RNF13: variants seen among roughly 807,000 people sequenced by gnomAD.
RNF13 encodes the protein E3 ubiquitin-protein ligase RNF13.
Under a neutral mutation model 37.7 loss-of-function variants are expected in RNF13, and 19 were observed. The observed-to-expected ratio is 0.50, with a 90% CI of 0.35 to 0.74. The LOEUF (loss-of-function observed/expected upper bound fraction) is 0.74. RNF13 is among the 30% of genes least tolerant of loss of function. The probability of loss-of-function intolerance (pLI) is 0.01; values close to 1 mark genes in which losing one functional copy is unlikely to be tolerated. For synonymous variants in RNF13, 144 were observed against 157.8 expected (o/e 0.91, Z 0.65); for missense variants, 375 against 453.0 (o/e 0.83, Z 1.56).
intron 4 of RNF13, among the ~76,000 whole-genome samples, chr3:149,893,015 C>T (rs1714873841): frequency 6.6e-6 from 1 of 151,916 alleles, no homozygotes; most frequent in Admixed American, 6.5e-5. Context: ...ATTCAGAAGA[C>T]AAAGCCAGTT....
At chr3:149,949,241 C>T (rs1721072828) in intron 8 of RNF13, among the ~76,000 whole-genome samples, 3 of 152,032 alleles carry the variant, frequency 2.0e-5, no homozygotes, top group South Asian at 4.2e-4. Context: ...TGATAAACTC[C>T]CTCAATTTTT....
At chr3:149,921,648 T>C (rs917428623) in intron 8 of RNF13, among the ~76,000 whole-genome samples, 1 of 152,244 alleles carries the variant, frequency 6.6e-6, no homozygotes, top group South Asian at 2.1e-4. Flanking sequence ...TTTTTCTGGC[T>C]GCATAGTATT....
rs1721708470 is a variant in RNF13 at position 149,837,182 on chromosome 3, A to G, written c.-16-8829A>G. 2.0e-5 allele frequency among the ~76,000 whole-genome samples: 3 copies of G among 152,230 alleles called. 1 individual carries two copies. Among genetic ancestry groups the G allele is most frequent in the Admixed American group, 2.0e-4 (3 of 15,286 alleles). On this transcript the variant is annotated intron_variant, in intron 1 of 9. Transcript: ENST00000392894. ...AAGAAAAGAGGCTGAAGGCCTTCTG[A>G]AAAGATCACTGAAGAGTTAAAATAA...
In RNF13 at chr3:149,872,162, T is replaced by A. The variant is rs764855830; in HGVS notation, c.321+8T>A. On this transcript the variant is annotated splice_region_variant and intron_variant, in intron 4 of 9. Transcript: ENST00000392894. ...TGTAATTTTGATATAAAGGTATGAT[T>A]ATCTTTTTTCATTTTTTGTTTCCTA... is the stretch of plus-strand genomic sequence containing the variant. 2.6e-5 allele frequency: 39 copies of A among 1,523,010 alleles called. No individual in the cohort carries two copies. In the East Asian group the frequency reaches 8.9e-4, roughly 35 times the overall value. The allele number at this position is 1,523,010 out of a possible 1,614,324, so 94.3% of individuals were successfully genotyped here.
chr3:149,890,006 G>T (rs1467633882), intron 4 of RNF13, among the ~76,000 whole-genome samples: 1 of 152,060 alleles, frequency 6.6e-6, no homozygotes, highest in African/African-American at 2.4e-5. Flanking sequence ...CTAACCTGTT[G>T]TGTTCTACCT....
At position 149,877,665 on chromosome 3, in the gene RNF13, A is replaced by G. The variant is rs149608463; in HGVS notation, c.321+5511A>G. Reference sequence around the variant, plus strand: ...CAAGTAGATACGACCTTAAGTAGAAATTAAACTCTGCAAATTACCTGAAAG... The same window carrying G: ...CAAGTAGATACGACCTTAAGTAGAAGTTAAACTCTGCAAATTACCTGAAAG... On this transcript the variant is annotated intron_variant, in intron 4 of 9. Coordinates refer to ENST00000392894, the MANE Select transcript of RNF13 (RefSeq NM_183381.3). 6.9e-4 allele frequency among the ~76,000 whole-genome samples: 105 copies of G among 152,130 alleles called. 1 individual carries two copies. The East Asian group carries it at 0.018, about 25-fold the overall frequency.
At chr3:149,858,119 C>G (rs1723842169) in intron 3 of RNF13, among the ~76,000 whole-genome samples, 1 of 152,194 alleles carries the variant, frequency 6.6e-6, no homozygotes, top group Non-Finnish European at 1.5e-5. Context: ...TGGCCTTCTC[C>G]ATCATGTTTT....
At chr3:149,883,497 G>A (rs1158796241) in intron 4 of RNF13, among the ~76,000 whole-genome samples, 4 of 151,756 alleles carry the variant, frequency 2.6e-5, no homozygotes, top group Non-Finnish European at 5.9e-5. Context: ...ATCCTTGAAC[G>A]TAATTTATAA....
At chr3:149,874,652 T>C (rs998294247) in intron 4 of RNF13, among the ~76,000 whole-genome samples, 3 of 152,184 alleles carry the variant, frequency 2.0e-5, no homozygotes, top group Non-Finnish European at 4.4e-5. Context: ...ACATGTGATA[T>C]AGCAACTCAG....
Position 149,937,317 on chromosome 3 carries a change from T to G in RNF13, c.700+16090T>G, listed in dbSNP as rs138438764. Reference sequence around the variant, plus strand: ...TACCTTAGTCTCAGTTTCTCCAGGATAGGAACCGTAAGTCTTGGGAGACTT... The same window carrying G: ...TACCTTAGTCTCAGTTTCTCCAGGAGAGGAACCGTAAGTCTTGGGAGACTT... On this transcript the variant is annotated intron_variant, in intron 8 of 9. Coordinates refer to ENST00000392894, the MANE Select transcript of RNF13 (RefSeq NM_183381.3). Among the ~76,000 whole-genome samples the G allele has an allele frequency of 3.0e-4, 45 of 152,246 alleles. 1 individual carries two copies. The highest frequency in any genetic ancestry group is 1.0e-3 in the African/African-American group (42 of 41,556).
chr3:149,869,574 C>G (rs904293069), intron 3 of RNF13, among the ~76,000 whole-genome samples: 3 of 151,524 alleles, frequency 2.0e-5, no homozygotes, highest in South Asian at 4.2e-4. Flanking sequence ...CCACTGCACT[C>G]CAGCCTGGGC....
At chr3:149,854,915 G>A (rs1723496104) in intron 3 of RNF13, among the ~76,000 whole-genome samples, 1 of 152,196 alleles carries the variant, frequency 6.6e-6, no homozygotes, top group Non-Finnish European at 1.5e-5. Context: ...ATACAATGTA[G>A]GGTTTTTGTT....
chr3:149,837,172 A>G (rs1721706655), intron 1 of RNF13, among the ~76,000 whole-genome samples: 1 of 152,238 alleles, frequency 6.6e-6, no homozygotes, highest in African/African-American at 2.4e-5. Context: ...AAGAGGCTGA[A>G]GGCCTTCTGA....
At chr3:149,888,383 T>C (rs958731873) in intron 4 of RNF13, among the ~76,000 whole-genome samples, 1 of 152,246 alleles carries the variant, frequency 6.6e-6, no homozygotes, top group Non-Finnish European at 1.5e-5. Flanking sequence ...TAAAAGCTAC[T>C]ATTTATCATC....
intron 1 of RNF13, among the ~76,000 whole-genome samples, chr3:149,843,983 C>T (rs1325354437): frequency 1.3e-5 from 2 of 152,220 alleles, no homozygotes; most frequent in Non-Finnish European, 2.9e-5. Context: ...CCTCCAAACT[C>T]TGTCTCCCTT....
At chr3:149,853,455 G>GGAGAGAGAGAGAGAGAGAGA (rs397842025) in intron 3 of RNF13, among the ~76,000 whole-genome samples, 6 of 117,300 alleles carry the variant, frequency 5.1e-5, no homozygotes, top group African/African-American at 9.8e-5. Context: ...AGAGAGAGAG[G>GGAGAGAGAGAGAGAGAGAGA]GAGAGAGAGA....
Position 149,895,533 on chromosome 3 carries a change from G to T in RNF13, c.382G>T (p.Asp128Tyr). The T allele has an allele frequency of 6.2e-7, 1 of 1,601,438 alleles. No individual in the cohort carries two copies. Among genetic ancestry groups the T allele is most frequent in the African/African-American group, 1.4e-5 (1 of 73,034 alleles). The part of the protein sequence containing the change: ...AAIVHNVDSD[D>Y]LISMGSNDIE... ...CATAGTTCACAATGTTGATTCTGAT[G>T]ACCTCATTAGCATGGGATCCAACGA... is the stretch of plus-strand genomic sequence containing the variant. Residue 128 changes from aspartate to tyrosine, a missense_variant, in exon 5 of 10, where the codon GAC (aspartate) becomes TAC (tyrosine). Physicochemically the swap from Asp to Tyr is radical, Grantham distance 160. Transcript: ENST00000392894.
chr3:149,951,494 G>A (rs1247083975), intron 8 of RNF13, among the ~76,000 whole-genome samples: 6 of 152,204 alleles, frequency 3.9e-5, no homozygotes, highest in Admixed American at 2.6e-4. Context: ...GAAACTGAGA[G>A]AGTTGGTGCT....
chr3:149,921,091 C>A, intron 7 of RNF13, 43 bp from the exon 8 acceptor site: 2 of 748,292 alleles, frequency 2.7e-6, no homozygotes, highest in South Asian at 3.5e-5. Context: ...TTTCTCTTTG[C>A]ACATTTAATA....
Sources: allele counts gnomAD v4.1 joint callset (sites outside exome capture counted in the v4.1 genomes callset), GRCh38; gene constraint gnomAD v4.1.1; transcripts MANE v1.5; gene names NCBI Gene and HGNC (gene_info 2026-07-23, HGNC 2026-07-21).